Variants in TBC1D32 observed in about 807,000 individuals in gnomAD.
The protein encoded by TBC1D32 is protein broad-minded.
TBC1D32 carries 151 observed loss-of-function variants against 170.3 expected under a neutral mutation model. The observed-to-expected ratio is 0.89, with a 90% CI of 0.78 to 1.01. The LOEUF (loss-of-function observed/expected upper bound fraction) is 1.01, where lower values mean the gene tolerates loss of function less well. TBC1D32 is among the 50% of genes least tolerant of loss of function. The pLI is 0.00. For missense variants in TBC1D32, 1,464 were observed against 1,457.1 expected (o/e 1.00, Z -0.08); for synonymous variants, 498 against 488.0 (o/e 1.02, Z -0.27).
intron 15 of TBC1D32, among the ~76,000 whole-genome samples, chr6:121,269,284 G>A (rs1032091877): frequency 4.7e-4 from 71 of 152,134 alleles, no homozygotes; most frequent in African/African-American, 1.7e-3. Context: ...AATGAAAATG[G>A]GCTAAATGCT....
chr6:121,305,056 T>C (rs1404869550), intron 5 of TBC1D32, among the ~76,000 whole-genome samples: 1 of 152,106 alleles, frequency 6.6e-6, no homozygotes, highest in African/African-American at 2.4e-5. Context: ...AAGCTATTAC[T>C]GCACAATCCG....
At chr6:121,102,511 G>A (rs1368440447) in intron 30 of TBC1D32, among the ~76,000 whole-genome samples, 1 of 152,082 alleles carries the variant, frequency 6.6e-6, no homozygotes, top group Non-Finnish European at 1.5e-5. Context: ...TTTAATAAAT[G>A]GTGCTGGGAA....
rs1216999956 is a variant in TBC1D32, at chr6:121,125,441, G to T, written c.2983+937C>A. ...TCTGTATAAGGAAGACTGGAGTTGA[G>T]ACTAGGCCCCTCGGTATCTCCTGTA... On this transcript the variant is annotated intron_variant, in intron 26 of 31. Coordinates refer to ENST00000398212, the MANE Select transcript of TBC1D32 (RefSeq NM_152730.6). Among the ~76,000 whole-genome samples, 4 of 152,056 alleles carry T rather than the reference G, an allele frequency of 2.6e-5. No homozygotes were observed. The East Asian group carries it at 7.7e-4, about 29-fold the overall frequency.
At chr6:121,329,478 C>T (rs368598799) in intron 1 of TBC1D32, among the ~76,000 whole-genome samples, 1 of 152,038 alleles carries the variant, frequency 6.6e-6, no homozygotes, top group South Asian at 2.1e-4. Flanking sequence ...ATGGTGAAAC[C>T]TCGTCTCTAC....
intron 15 of TBC1D32, among the ~76,000 whole-genome samples, chr6:121,278,101 A>C (rs1306800683): frequency 1.3e-5 from 2 of 152,164 alleles, no homozygotes; most frequent in Non-Finnish European, 2.9e-5. Flanking sequence ...TTATTAAATA[A>C]ATTGAATGAA....
At chr6:121,250,699 C>T (rs1159939851) in intron 17 of TBC1D32, among the ~76,000 whole-genome samples, 1 of 152,112 alleles carries the variant, frequency 6.6e-6, no homozygotes, top group Admixed American at 6.6e-5. Context: ...GTCTCTCTCA[C>T]CACTCCTACT....
At chr6:121,150,862 T>C (rs948637096) in intron 24 of TBC1D32, among the ~76,000 whole-genome samples, 1 of 145,298 alleles carries the variant, frequency 6.9e-6, no homozygotes, top group Non-Finnish European at 1.5e-5. Flanking sequence ...CCCTTTATCA[T>C]TTTTTATTGT....
At chr6:121,307,513 T>C (rs1807510522) in intron 5 of TBC1D32, among the ~76,000 whole-genome samples, 1 of 152,188 alleles carries the variant, frequency 6.6e-6, no homozygotes. Flanking sequence ...AAGAAAAATT[T>C]TGACAATTAG....
At chr6:121,329,606 C>T (rs973543973) in intron 1 of TBC1D32, among the ~76,000 whole-genome samples, 6 of 151,948 alleles carry the variant, frequency 3.9e-5, no homozygotes, top group African/African-American at 1.5e-4. Context: ...GAGCTGAGAT[C>T]ATGCCATTGC....
intron 1 of TBC1D32, among the ~76,000 whole-genome samples, chr6:121,331,099 A>G (rs920027835): frequency 1.6e-4 from 25 of 152,228 alleles, no homozygotes; most frequent in African/African-American, 5.8e-4. Context: ...CCCTCACTTT[A>G]TTATACCACC....
At chr6:121,285,130 G>A (rs534917336) in intron 12 of TBC1D32, among the ~76,000 whole-genome samples, 2 of 152,160 alleles carry the variant, frequency 1.3e-5, no homozygotes, top group Non-Finnish European at 2.9e-5. Context: ...CACAAGATAA[G>A]AATGGATTTC....
At chr6:121,255,165 A>G (rs1472699787) in intron 17 of TBC1D32, among the ~76,000 whole-genome samples, 163 bp downstream of exon 17, 1 of 151,966 alleles carries the variant, frequency 6.6e-6, no homozygotes, top group Non-Finnish European at 1.5e-5. Flanking sequence ...TATGAGTATT[A>G]CATGATCTCT....
intron 15 of TBC1D32, among the ~76,000 whole-genome samples, chr6:121,265,592 GAA>G (rs71018121): frequency 1.3e-5 from 2 of 148,548 alleles, no homozygotes; most frequent in Non-Finnish European, 3.0e-5. Context: ...AACCAAAAAA[GAA>G]AAAAAAAAGA....
At chr6:121,178,074 A>G (rs1444859385) in intron 22 of TBC1D32, among the ~76,000 whole-genome samples, 1 of 152,228 alleles carries the variant, frequency 6.6e-6, no homozygotes, top group Non-Finnish European at 1.5e-5. Context: ...CAAGGGAAGA[A>G]GTGCCAGCAG....
At chr6:121,180,502 AAC>A (rs1310417881) in intron 22 of TBC1D32, among the ~76,000 whole-genome samples, 1 of 152,126 alleles carries the variant, frequency 6.6e-6, no homozygotes, top group Non-Finnish European at 1.5e-5. Flanking sequence ...GTGGGGAAGA[AAC>A]ACTCTCTAAT....
intron 31 of TBC1D32, among the ~76,000 whole-genome samples, chr6:121,081,920 G>T (rs1438836633): frequency 6.6e-6 from 1 of 151,942 alleles, no homozygotes; most frequent in African/African-American, 2.4e-5. Context: ...GGTTAGTTGG[G>T]ACATTCTAAA....
chr6:121,146,534 G>A (rs1192609948), intron 24 of TBC1D32, among the ~76,000 whole-genome samples: 1 of 152,162 alleles, frequency 6.6e-6, no homozygotes, highest in Non-Finnish European at 1.5e-5. Context: ...TGGGGAAGGA[G>A]AAGAAGGTTT....
intron 22 of TBC1D32, among the ~76,000 whole-genome samples, chr6:121,195,256 C>A (rs1790577618): frequency 6.6e-6 from 1 of 152,186 alleles, no homozygotes; most frequent in Non-Finnish European, 1.5e-5. Context: ...TCCAGCAGAT[C>A]CAATGAGGCT....
intron 23 of TBC1D32, among the ~76,000 whole-genome samples, chr6:121,160,638 T>A (rs909555828): frequency 2.0e-5 from 3 of 152,142 alleles, no homozygotes; most frequent in Non-Finnish European, 4.4e-5. Flanking sequence ...TTAAGTATCA[T>A]GAATGAGAAA....
Sources: gnomAD v4.1 joint callset for allele counts (sites outside exome capture counted in the v4.1 genomes callset) on GRCh38, gnomAD v4.1.1 for gene constraint, MANE v1.5 for transcripts, NCBI Gene and HGNC (gene_info 2026-07-23, HGNC 2026-07-21) for gene names.